The following LRRC1 variants were observed in gnomAD, a reference collection of about 807,000 sequenced individuals.
LRRC1 encodes leucine rich repeat containing 1.
LRRC1 carries 28 observed loss-of-function variants against 69.9 expected under a neutral mutation model. The ratio of observed to expected loss-of-function variants is 0.40; its 90% CI spans 0.30 to 0.55. The LOEUF is 0.55. LRRC1 is among the 20% of genes least tolerant of loss of function. The pLI, the probability that LRRC1 is intolerant of heterozygous loss-of-function variation, is 0.47. For synonymous variants in LRRC1, 236 were observed against 240.2 expected (o/e 0.98, Z 0.16); for missense variants, 498 against 609.0 (o/e 0.82, Z 1.92).
chr6:53,896,790 A>G lies in LRRC1; in HGVS notation c.504-39A>G, dbSNP rs151205084. On this transcript the variant is annotated intron_variant, in intron 5 of 13. Coordinates refer to ENST00000370888, the MANE Select transcript of LRRC1 (RefSeq NM_018214.5). ...GATACTATATTGCTCAGCATTTCTA[A>G]GTATTCTCTAAGTGCTCTTTATTTA... 114 of 1,301,454 alleles carry G rather than the reference A, an allele frequency of 8.8e-5. No individual in the cohort carries two copies. In the East Asian group the frequency reaches 2.2e-3, roughly 26 times the overall value. 80.6% of individuals were successfully genotyped at this position (1,301,454 alleles called of 1,614,324 possible).
intron 1 of LRRC1, among the ~76,000 whole-genome samples, chr6:53,808,605 A>G (rs1376549475): frequency 1.3e-5 from 2 of 152,136 alleles, no homozygotes; most frequent in African/African-American, 4.8e-5. Context: ...TGGAGAGGGT[A>G]AATAACTTGC....
chr6:53,916,222 T>G (rs72936473), intron 11 of LRRC1, among the ~76,000 whole-genome samples: 435 of 152,324 alleles, frequency 2.9e-3, no homozygotes, highest in Non-Finnish European at 5.0e-3. Flanking sequence ...AACTGGGCAT[T>G]TGAGGATCTT....
intron 2 of LRRC1, among the ~76,000 whole-genome samples, chr6:53,875,089 A>G (rs1767021441): frequency 6.6e-6 from 1 of 152,368 alleles, no homozygotes; most frequent in African/African-American, 2.4e-5. Context: ...TGATGAAAGT[A>G]TAAGTGGGCA....
At chr6:53,902,045 G>GT (rs1435921792) in intron 8 of LRRC1, among the ~76,000 whole-genome samples, 4 of 152,212 alleles carry the variant, frequency 2.6e-5, no homozygotes, top group African/African-American at 9.6e-5. Context: ...CTAGTGGCTA[G>GT]TGGGGACTCT....
intron 2 of LRRC1, among the ~76,000 whole-genome samples, chr6:53,867,516 T>G (rs1160259756): frequency 1.3e-5 from 2 of 152,238 alleles, no homozygotes; most frequent in African/African-American, 4.8e-5. Flanking sequence ...AAGGTTAGCT[T>G]AAGAAAGTTG....
rs934961125 is a variant in LRRC1, at chr6:53,899,423, G to T, written c.643-324G>T. ...TCCGAACTTGAAAAGCTAAATTCTA[G>T]CCTCCTTTTTCTTTTCTAATTGTGT... On this transcript the variant is annotated intron_variant, in intron 7 of 13. Transcript: ENST00000370888. 3.3e-5 allele frequency among the ~76,000 whole-genome samples: 5 copies of T among 152,318 alleles called. No individual in the cohort carries two copies. The South Asian group carries it at 8.3e-4, about 25-fold the overall frequency.
rs1768715193 is a variant in LRRC1 at position 53,920,750 on chromosome 6, G to C, written c.1405G>C (p.Asp469His). The stretch of plus-strand genomic sequence containing the variant: ...TGTGGAGGATGAGAAAGATGAAGAA[G>C]ACAATGAGACGGTATGGAAATGCAG... ...RFVEDEKDEE[D>H]NETRTLLRRA... Residue 469 changes from aspartate (D) to histidine (H), a missense_variant, in exon 13 of 14, where the codon GAC (aspartate) becomes CAC (histidine). Transcript: ENST00000370888. The C allele has an allele frequency of 1.2e-6, 2 of 1,614,174 alleles. No individual in the cohort carries two copies. The highest frequency in any genetic ancestry group is 1.3e-5 in the African/African-American group (1 of 75,054).
At chr6:53,805,494 A>G (rs1764613165) in intron 1 of LRRC1, among the ~76,000 whole-genome samples, 1 of 152,140 alleles carries the variant, frequency 6.6e-6, no homozygotes, top group South Asian at 2.1e-4. Flanking sequence ...CTTCTACTGA[A>G]GTCTCCACTC....
At chr6:53,853,623 T>C (rs539467382) in intron 2 of LRRC1, among the ~76,000 whole-genome samples, 24 of 152,272 alleles carry the variant, frequency 1.6e-4, no homozygotes, top group African/African-American at 5.5e-4. Flanking sequence ...TATCATCCCA[T>C]AAAAAGTAGA....
chr6:53,902,614 A>T lies in LRRC1; in HGVS notation c.788-15A>T. 1 of 1,448,318 alleles carries T rather than the reference A, an allele frequency of 6.9e-7. No individual in the cohort carries two copies. The allele number at this position is 1,448,318 out of a possible 1,614,324, so 89.7% of individuals were successfully genotyped here. On this transcript the variant is annotated splice_polypyrimidine_tract_variant and intron_variant, in intron 8 of 13. Transcript: ENST00000370888. The stretch of plus-strand genomic sequence containing the variant: ...ACTAATGAATTTGATAATAATAATC[A>T]TAATGCTTTTACAGGAAAACTAAAG...
intron 11 of LRRC1, among the ~76,000 whole-genome samples, chr6:53,917,116 A>G (rs187489942): frequency 2.6e-5 from 4 of 152,308 alleles, no homozygotes; most frequent in Non-Finnish European, 4.4e-5. Flanking sequence ...GCAGGAATGT[A>G]TTTCTCATCA....
chr6:53,850,323 T>C (rs1766086056), intron 2 of LRRC1, among the ~76,000 whole-genome samples: 1 of 152,216 alleles, frequency 6.6e-6, no homozygotes, highest in Non-Finnish European at 1.5e-5. Context: ...TAACAAGCAG[T>C]GTAACAGTTC....
At chr6:53,853,103 T>C (rs1428706149) in intron 2 of LRRC1, among the ~76,000 whole-genome samples, 1 of 152,086 alleles carries the variant, frequency 6.6e-6, no homozygotes, top group Non-Finnish European at 1.5e-5. Context: ...TGTTCCATCT[T>C]CCTCTAGTTG....
chr6:53,817,131 G>C (rs756514776), intron 1 of LRRC1, among the ~76,000 whole-genome samples: 2 of 152,120 alleles, frequency 1.3e-5, no homozygotes, highest in Admixed American at 6.6e-5. Flanking sequence ...ACACTTGTCT[G>C]ATGACCCACT....
At chr6:53,836,413 G>A (rs1167614164) in intron 1 of LRRC1, among the ~76,000 whole-genome samples, 1 of 152,198 alleles carries the variant, frequency 6.6e-6, no homozygotes, top group Admixed American at 6.5e-5. Flanking sequence ...TCCATGTAAA[G>A]TGTTTGGCTT....
chr6:53,864,122 G>A (rs1172596483), intron 2 of LRRC1, among the ~76,000 whole-genome samples: 3 of 152,070 alleles, frequency 2.0e-5, no homozygotes, highest in Admixed American at 6.5e-5. Context: ...CCAGGCCCAC[G>A]TCTGTCTTAC....
At chr6:53,860,201 A>G (rs1766449797) in intron 2 of LRRC1, among the ~76,000 whole-genome samples, 1 of 152,242 alleles carries the variant, frequency 6.6e-6, no homozygotes, top group South Asian at 2.1e-4. Context: ...TGGTTCTGCA[A>G]AATTTTCTCA....
At chr6:53,880,089 A>G (rs1405287747) in intron 3 of LRRC1, among the ~76,000 whole-genome samples, 2 of 152,162 alleles carry the variant, frequency 1.3e-5, no homozygotes, top group Admixed American at 6.5e-5. Flanking sequence ...TTTCTGAGTC[A>G]TCTCACCCAC....
At chr6:53,887,851 A>G (rs943057457) in intron 4 of LRRC1, among the ~76,000 whole-genome samples, 2 of 152,206 alleles carry the variant, frequency 1.3e-5, no homozygotes, top group Admixed American at 6.5e-5. Flanking sequence ...GCCGGTTGGC[A>G]TGGGAGAGCA....
Sources: allele counts gnomAD v4.1 joint callset (sites outside exome capture counted in the v4.1 genomes callset), GRCh38; gene constraint gnomAD v4.1.1; transcripts MANE v1.5; gene names NCBI Gene and HGNC (gene_info 2026-07-23, HGNC 2026-07-21).